NKAIN3: variants seen among roughly 807,000 people sequenced by gnomAD.
NKAIN3 encodes the protein sodium/potassium-transporting ATPase subunit beta-1-interacting protein 3.
Under a neutral mutation model 30.2 loss-of-function variants are expected in NKAIN3, and 25 were observed. The observed-to-expected ratio is 0.83, with a 90% CI of 0.60 to 1.16. NKAIN3 has a LOEUF of 1.16. Ranked by LOEUF, NKAIN3 falls within the 50% of genes most tolerant of loss-of-function variation. NKAIN3 has a pLI of 0.00. For missense variants in NKAIN3, 225 were observed against 254.1 expected (o/e 0.89, Z 0.78); for synonymous variants, 91 against 89.6 (o/e 1.02, Z -0.09).
intron 3 of NKAIN3, among the ~76,000 whole-genome samples, chr8:62,705,233 A>G (rs1814481123): frequency 6.6e-6 from 1 of 152,194 alleles, no homozygotes; most frequent in Non-Finnish European, 1.5e-5. Context: ...TTTCTCTTTC[A>G]CTTTATACTA....
chr8:62,910,956 A>G (rs1187834101), intron 4 of NKAIN3, among the ~76,000 whole-genome samples: 2 of 152,220 alleles, frequency 1.3e-5, no homozygotes, highest in Non-Finnish European at 2.9e-5. Context: ...ACCAACCAAT[A>G]AATGCTGATG....
At chr8:62,345,719 A>T (rs967124940) in intron 1 of NKAIN3, among the ~76,000 whole-genome samples, 2 of 151,620 alleles carry the variant, frequency 1.3e-5, no homozygotes, top group Non-Finnish European at 2.9e-5. Flanking sequence ...GCAAACAGGG[A>T]CAGCTTGACT....
intron 1 of NKAIN3, among the ~76,000 whole-genome samples, chr8:62,425,976 A>G (rs1211947046): frequency 2.0e-5 from 3 of 152,012 alleles, no homozygotes; most frequent in African/African-American, 7.2e-5. Flanking sequence ...TCAGAATAGA[A>G]CATACATTTA....
At chr8:62,446,246 C>T (rs1023700865) in intron 1 of NKAIN3, among the ~76,000 whole-genome samples, 1 of 152,018 alleles carries the variant, frequency 6.6e-6, no homozygotes, top group African/African-American at 2.4e-5. Flanking sequence ...AAGAAGAGAT[C>T]TTAGCATATG....
chr8:62,904,575 G>A (rs991261559), intron 4 of NKAIN3, among the ~76,000 whole-genome samples: 1 of 152,166 alleles, frequency 6.6e-6, no homozygotes, highest in African/African-American at 2.4e-5. Context: ...AAGCAGAGCT[G>A]GAGTTTACAG....
intron 4 of NKAIN3, among the ~76,000 whole-genome samples, chr8:62,868,951 A>G (rs1268313340): frequency 6.6e-6 from 1 of 152,008 alleles, no homozygotes; most frequent in East Asian, 1.9e-4. Flanking sequence ...GAAAAAAAAA[A>G]GGATTAGATC....
chr8:62,297,765 C>G (rs1424900320), intron 1 of NKAIN3, among the ~76,000 whole-genome samples: 2 of 152,122 alleles, frequency 1.3e-5, no homozygotes, highest in Non-Finnish European at 2.9e-5. Flanking sequence ...GTCAGTGTGG[C>G]GATTCCTCAG....
chr8:62,472,091 G>T (rs1585845958), intron 1 of NKAIN3, among the ~76,000 whole-genome samples: 2 of 151,566 alleles, frequency 1.3e-5, no homozygotes, highest in East Asian at 3.9e-4. Context: ...GCTGGAGAAA[G>T]TATCTAAAAA....
At chr8:62,291,565 G>A (rs77961381) in intron 1 of NKAIN3, among the ~76,000 whole-genome samples, 9,472 of 152,134 alleles carry the variant, frequency 0.062, 981 homozygotes, top group African/African-American at 0.21. Flanking sequence ...AATTTCTTAA[G>A]TCTGAGTTCT....
intron 1 of NKAIN3, chr8:62,482,371 G>A (rs978194785): frequency 1.3e-5 from 2 of 152,236 alleles, no homozygotes; most frequent in Non-Finnish European, 2.9e-5. Context: ...AAAGAATAAA[G>A]GGGACAGCAA....
chr8:62,850,214 A>T (rs1358733508), intron 4 of NKAIN3, among the ~76,000 whole-genome samples: 2 of 152,070 alleles, frequency 1.3e-5, no homozygotes, highest in African/African-American at 4.8e-5. Context: ...AGTGATGATG[A>T]GCATTTTTTC....
intron 4 of NKAIN3, among the ~76,000 whole-genome samples, chr8:62,837,099 G>A (rs1819388193): frequency 6.6e-6 from 1 of 152,078 alleles, no homozygotes; most frequent in Non-Finnish European, 1.5e-5. Flanking sequence ...CCTAGTAGTA[G>A]TCAGCTTTTC....
intron 1 of NKAIN3, among the ~76,000 whole-genome samples, chr8:62,372,803 C>T (rs1377801430): frequency 6.6e-6 from 1 of 152,002 alleles, no homozygotes. Flanking sequence ...AGATAGACCA[C>T]TTTTTATAAG....
At position 62,652,875 on chromosome 8, in the gene NKAIN3, A is replaced by G. The variant is rs149049969; in HGVS notation, c.273+63081A>G. On this transcript the variant is annotated intron_variant, in intron 3 of 6. Coordinates refer to ENST00000623646, the MANE Select transcript of NKAIN3 (RefSeq NM_001304533.3). ...CTCATGGTCCCTCCACCAGTGTTAG[A>G]GCAAAGTCAAAACTCAGGTCTGATC... is the stretch of plus-strand genomic sequence containing the variant. Among the ~76,000 whole-genome samples, 7 of 152,280 alleles carry G rather than the reference A, an allele frequency of 4.6e-5. No individual in the cohort carries two copies. In the East Asian group the frequency reaches 1.4e-3, roughly 29 times the overall value.
intron 1 of NKAIN3, among the ~76,000 whole-genome samples, chr8:62,276,913 A>T (rs868604085): frequency 6.6e-6 from 1 of 152,122 alleles, no homozygotes. Flanking sequence ...TGCATGTTTT[A>T]ATTTTTTTCT....
At chr8:62,659,891 TGCCTGAG>T (rs1438320251) in intron 3 of NKAIN3, among the ~76,000 whole-genome samples, 2 of 152,180 alleles carry the variant, frequency 1.3e-5, no homozygotes, top group African/African-American at 4.8e-5. Context: ...GCACTGTCTT[TGCCTGAG>T]GCCATCCATG....
intron 4 of NKAIN3, among the ~76,000 whole-genome samples, chr8:62,915,046 T>C (rs1180311925): frequency 5.3e-5 from 8 of 152,084 alleles, no homozygotes; most frequent in South Asian, 2.1e-4. Flanking sequence ...GAACATGAGA[T>C]GTTTGGTTTT....
At chr8:62,882,224 C>T (rs1366730817) in intron 4 of NKAIN3, among the ~76,000 whole-genome samples, 4 of 152,128 alleles carry the variant, frequency 2.6e-5, no homozygotes, top group Non-Finnish European at 5.9e-5. Flanking sequence ...TTGAAACTGT[C>T]TCAGAGCAGA....
At chr8:62,318,097 AG>A (rs1216193279) in intron 1 of NKAIN3, among the ~76,000 whole-genome samples, 1 of 152,116 alleles carries the variant, frequency 6.6e-6, no homozygotes, top group Non-Finnish European at 1.5e-5. Context: ...TGGGTGTATA[AG>A]AATGCTTGTG....
Sources: allele counts gnomAD v4.1 joint callset (sites outside exome capture counted in the v4.1 genomes callset), GRCh38; gene constraint gnomAD v4.1.1; transcripts MANE v1.5; gene names NCBI Gene and HGNC (gene_info 2026-07-23, HGNC 2026-07-21).